Variants in MGST1 observed in about 807,000 individuals in gnomAD.
MGST1 encodes microsomal glutathione S-transferase 1.
MGST1 carries 5 observed loss-of-function variants against 8.9 expected under a neutral mutation model. That is an observed-to-expected ratio of 0.56 (90% CI 0.29 to 1.19). The LOEUF is 1.19. Among genes scored for constraint, MGST1 ranks in the 50% most tolerant of loss-of-function variants. MGST1 has a pLI of 0.08. For synonymous variants in MGST1, 54 were observed against 67.8 expected (o/e 0.80, Z 1.00); for missense variants, 182 against 187.4 (o/e 0.97, Z 0.17).
chr12:16,348,289 T>G (rs1939290893), intron 1 of MGST1, among the ~76,000 whole-genome samples: 1 of 152,198 alleles, frequency 6.6e-6, no homozygotes, highest in Non-Finnish European at 1.5e-5. Context: ...GATGATAATA[T>G]TTTTGTGTGA....
At chr12:16,388,617 C>T (rs1401572546) in intron 1 of MGST1, among the ~76,000 whole-genome samples, 2 of 152,174 alleles carry the variant, frequency 1.3e-5, no homozygotes, top group African/African-American at 2.4e-5. Flanking sequence ...TAACTATATG[C>T]TTGGTTGTCA....
At chr12:16,357,322 C>CAATCACAG (rs1939762690) in intron 2 of MGST1, among the ~76,000 whole-genome samples, 1 of 152,088 alleles carries the variant, frequency 6.6e-6, no homozygotes, top group South Asian at 2.1e-4. Context: ...TGTAGTGGTG[C>CAATCACAG]AATCACAGCT....
chr12:16,390,739 A>G (rs921237128), intron 1 of MGST1, among the ~76,000 whole-genome samples: 12 of 152,170 alleles, frequency 7.9e-5, no homozygotes, highest in African/African-American at 2.2e-4. Context: ...ATTCCCTGTC[A>G]TTGCTATTGT....
At chr12:16,412,391 A>G (rs753249918) in intron 1 of MGST1, among the ~76,000 whole-genome samples, 44 of 152,284 alleles carry the variant, frequency 2.9e-4, no homozygotes, top group Non-Finnish European at 4.6e-4. Context: ...TTTTTTCCTA[A>G]TATCTGCCCA....
chr12:16,415,331 C>T (rs1204890456), intron 1 of MGST1, among the ~76,000 whole-genome samples: 1 of 152,124 alleles, frequency 6.6e-6, no homozygotes, highest in African/African-American at 2.4e-5. Context: ...GATCTGAGAA[C>T]CTCCTCTTAT....
At chr12:16,485,761 T>C (rs1356745425) in intron 4 of MGST1, among the ~76,000 whole-genome samples, 1 of 152,194 alleles carries the variant, frequency 6.6e-6, no homozygotes, top group Non-Finnish European at 1.5e-5. Context: ...CAAAGCTACA[T>C]GTTTTGAGGG....
intron 1 of MGST1, among the ~76,000 whole-genome samples, chr12:16,351,797 G>A (rs1469280981): frequency 6.6e-6 from 1 of 152,068 alleles, no homozygotes; most frequent in East Asian, 1.9e-4. Context: ...GCGACAGAGT[G>A]AGACTCCATC....
chr12:16,394,580 T>TCG, intron 1 of MGST1, among the ~76,000 whole-genome samples: 1 of 139,324 alleles, frequency 7.2e-6, no homozygotes, highest in Non-Finnish European at 1.5e-5. Context: ...CTTTCTTCTC[T>TCG]CTGTCTCTCT....
intron 4 of MGST1, among the ~76,000 whole-genome samples, chr12:16,530,523 T>A: frequency 6.6e-6 from 1 of 152,108 alleles, no homozygotes; most frequent in Non-Finnish European, 1.5e-5. Context: ...ACACTCAGGC[T>A]GAAAAACGAG....
chr12:16,534,275 C>T (rs887084953), intron 4 of MGST1, among the ~76,000 whole-genome samples: 4 of 152,132 alleles, frequency 2.6e-5, no homozygotes, highest in South Asian at 2.1e-4. Flanking sequence ...CACATATATT[C>T]GATATGCACA....
intron 4 of MGST1, among the ~76,000 whole-genome samples, chr12:16,449,883 C>T (rs998867980): frequency 2.6e-5 from 4 of 151,888 alleles, no homozygotes; most frequent in African/African-American, 9.7e-5. Context: ...GTTTTCTCTC[C>T]ACCTCATTGG....
intron 4 of MGST1, among the ~76,000 whole-genome samples, chr12:16,483,543 A>T (rs1941378987): frequency 6.6e-6 from 1 of 152,172 alleles, no homozygotes; most frequent in South Asian, 2.1e-4. Context: ...AAGTTGACAT[A>T]GATATATTAA....
intron 4 of MGST1, among the ~76,000 whole-genome samples, chr12:16,499,983 T>C (rs1941495211): frequency 6.6e-6 from 1 of 152,148 alleles, no homozygotes; most frequent in Non-Finnish European, 1.5e-5. Flanking sequence ...TGAAAAAAAG[T>C]GTTTGGTGAG....
At position 16,561,974 on chromosome 12, in the gene MGST1, T is replaced by G. The variant is rs73322828; in HGVS notation, n.483-27554T>G. On this transcript the variant is annotated intron_variant and non_coding_transcript_variant, in intron 4 of 4. Coordinates refer to the MGST1 transcript ENST00000538857. ...ATAATTGTTAGACACTTATTTTCCT[T>G]AATGAATTAAAAAATACTTTAGTAT... Among the ~76,000 whole-genome samples, 533 of 152,316 alleles carry G rather than the reference T, an allele frequency of 3.5e-3. 3 individuals are homozygous for G. Among genetic ancestry groups the G allele is most frequent in the African/African-American group, 0.012 (489 of 41,590 alleles).
Position 16,418,740 on chromosome 12 carries a change from G to A in MGST1, n.779-18648G>A, listed in dbSNP as rs141257745. Among the ~76,000 whole-genome samples, 9 of 152,172 alleles carry A rather than the reference G, an allele frequency of 5.9e-5. No homozygotes were observed. In the East Asian group the frequency reaches 1.7e-3, roughly 29 times the overall value. Reference sequence around the variant, plus strand: ...TTTGTGTGCCTTGGTTGTCTCAAGAGGGATACTAATAATAATGCCTAACTC... The same window carrying A: ...TTTGTGTGCCTTGGTTGTCTCAAGAAGGATACTAATAATAATGCCTAACTC... On this transcript the variant is annotated intron_variant and non_coding_transcript_variant, in intron 1 of 1. Transcript: ENST00000359720.
chr12:16,489,472 A>T (rs1941423162), intron 4 of MGST1, among the ~76,000 whole-genome samples: 1 of 152,180 alleles, frequency 6.6e-6, no homozygotes, highest in Admixed American at 6.5e-5. Context: ...CCTTGTTTAC[A>T]ATCCAGGGCA....
downstream of MGST1, among the ~76,000 whole-genome samples, chr12:16,377,345 G>A (rs565020878): frequency 2.6e-3 from 335 of 131,310 alleles, 2 homozygotes; most frequent in African/African-American, 9.1e-3. Context: ...CCCTTCCTGT[G>A]TCCATGTGTT....
intron 4 of MGST1, among the ~76,000 whole-genome samples, chr12:16,575,188 C>A (rs1293053075): frequency 6.6e-6 from 1 of 152,146 alleles, no homozygotes; most frequent in Non-Finnish European, 1.5e-5. Context: ...TCCCTATTCT[C>A]TTTTGCAGCT....
At chr12:16,464,795 G>C (rs1246134595) in intron 4 of MGST1, among the ~76,000 whole-genome samples, 1 of 152,152 alleles carries the variant, frequency 6.6e-6, no homozygotes, top group Non-Finnish European at 1.5e-5. Context: ...CCATGCCCTA[G>C]GGCTTCATAG....
Sources: gnomAD v4.1 joint callset for allele counts (sites outside exome capture counted in the v4.1 genomes callset) on GRCh38, gnomAD v4.1.1 for gene constraint, MANE v1.5 for transcripts, NCBI Gene and HGNC (gene_info 2026-07-23, HGNC 2026-07-21) for gene names.